RBKS: variants seen among roughly 807,000 people sequenced by gnomAD.
RBKS encodes the protein ribokinase.
In RBKS, 33 loss-of-function variants were observed where a neutral mutation model predicts 33.9. That is an observed-to-expected ratio of 0.97 (90% CI 0.74 to 1.30). The LOEUF is 1.30. RBKS is among the 50% of genes most tolerant of loss of function. RBKS has a pLI of 0.00. For missense variants in RBKS, 361 were observed against 392.6 expected (o/e 0.92, Z 0.68); for synonymous variants, 125 against 143.0 (o/e 0.87, Z 0.90).
chr2:27,882,250 T>C (rs892352095), intron 1 of RBKS, among the ~76,000 whole-genome samples: 3 of 151,806 alleles, frequency 2.0e-5, no homozygotes, highest in Non-Finnish European at 4.4e-5. Flanking sequence ...CATTAAAAAG[T>C]GGGCAAAGAA....
At chr2:27,881,711 A>G (rs1664420150) in intron 1 of RBKS, among the ~76,000 whole-genome samples, 1 of 152,178 alleles carries the variant, frequency 6.6e-6, no homozygotes, top group Non-Finnish European at 1.5e-5. Flanking sequence ...TACTGGTACA[A>G]AAACAGACAT....
chr2:27,853,163 C>T (rs908324461), intron 2 of RBKS, among the ~76,000 whole-genome samples: 1 of 151,626 alleles, frequency 6.6e-6, no homozygotes, highest in Non-Finnish European at 1.5e-5. Context: ...GACAGGAGTT[C>T]GAGACCAGCC....
intron 2 of RBKS, among the ~76,000 whole-genome samples, chr2:27,856,389 A>G (rs1445750684): frequency 1.3e-5 from 2 of 152,048 alleles, no homozygotes; most frequent in Non-Finnish European, 2.9e-5. Context: ...GCTTTAATCA[A>G]CCTCCTAACT....
Position 27,843,056 on chromosome 2 carries a change from T to G in RBKS, c.514+11A>C. On this transcript the variant is annotated intron_variant, in intron 5 of 7. Coordinates refer to ENST00000302188, the MANE Select transcript of RBKS (RefSeq NM_022128.3). ...GCTTTTATAGAAAGAATGACAAATA[T>G]GTATAATTACCTCCACTCCTGCGGG... The G allele has an allele frequency of 6.5e-7, 1 of 1,545,876 alleles. No homozygotes were observed. Among genetic ancestry groups the G allele is most frequent in the Non-Finnish European group, 8.7e-7 (1 of 1,144,834 alleles).
At position 27,861,669 on chromosome 2, in the gene RBKS, G is replaced by T. The variant is rs188598574; in HGVS notation, c.90-3098C>A. ...AGTATGTTCCATTTCTTTTTGGGGG[G>T]GGGGTGGAGTCTCACTTTGTCTCCC... On this transcript the variant is annotated intron_variant, in intron 1 of 7. Coordinates refer to ENST00000302188, the MANE Select transcript of RBKS (RefSeq NM_022128.3). 5.5e-3 allele frequency: 2,358 copies of T among 429,762 alleles called. 46 individuals carry two copies. Among genetic ancestry groups the T allele is most frequent in the Non-Finnish European group, 8.4e-3 (1,732 of 207,264 alleles). The allele number at this position is 429,762 out of a possible 1,614,324, so 26.6% of individuals were successfully genotyped here.
At chr2:27,797,522 GAAGCT>G (rs1436893580) in intron 7 of RBKS, among the ~76,000 whole-genome samples, 2 of 152,244 alleles carry the variant, frequency 1.3e-5, no homozygotes, top group Non-Finnish European at 2.9e-5. Context: ...AGCAGATGGA[GAAGCT>G]ATTTTGGGGG....
chr2:27,890,184 C>T lies in RBKS; in HGVS notation c.89+73G>A, dbSNP rs992413569. ...TCCCTGGAGACCCAGCGCCCAAAAG[C>T]TCCACTGGGCGCATAGCGCACGGCA... On this transcript the variant is annotated intron_variant, in intron 1 of 7. Coordinates refer to ENST00000302188, the MANE Select transcript of RBKS (RefSeq NM_022128.3). This position sits in a 1 kb window ranked among gnomAD's most constrained non-coding sequence, Gnocchi z 4.8. 2.0e-5 allele frequency: 29 copies of T among 1,445,090 alleles called. No individual in the cohort carries two copies. The Admixed American group carries it at 4.2e-4, about 21-fold the overall frequency. 89.5% of individuals were successfully genotyped at this position (1,445,090 alleles called of 1,614,324 possible). A position where few individuals can be genotyped will look rare whatever the true frequency, so the allele number is the denominator to read the frequency against.
chr2:27,812,231 AGAAATAG>A (rs1273489266), intron 7 of RBKS, among the ~76,000 whole-genome samples: 1 of 152,152 alleles, frequency 6.6e-6, no homozygotes, highest in East Asian at 1.9e-4. Context: ...GAGGATGTGG[AGAAATAG>A]GAACACTTTT....
At position 27,827,588 on chromosome 2, in the gene RBKS, T is replaced by C; in HGVS notation, c.774A>G (p.Lys258=). 10 of 1,595,602 alleles carry C rather than the reference T, an allele frequency of 6.3e-6. No individual in the cohort carries two copies. The highest frequency in any genetic ancestry group is 2.3e-5 in the East Asian group (1 of 44,254). Residue 258 remains lysine (K), a synonymous_variant, in exon 7 of 8, where the codon AAA becomes AAG. Coordinates refer to ENST00000302188, the MANE Select transcript of RBKS (RefSeq NM_022128.3). ...EPEPKHIPTE[K]VKAVDTTGAG... is the part of the protein sequence containing the mutation. ...TTACCGTGGTATCCACAGCCTTGACTTTCTCTGTGGGAATGTGCTTTGGCT... is the reference window on the plus strand; with the variant it reads ...TTACCGTGGTATCCACAGCCTTGACCTTCTCTGTGGGAATGTGCTTTGGCT...
intron 1 of RBKS, among the ~76,000 whole-genome samples, chr2:27,882,766 T>C (rs899470438): frequency 5.9e-4 from 90 of 152,222 alleles, no homozygotes; most frequent in Admixed American, 1.3e-4. Flanking sequence ...AACGACATCA[T>C]GTACTTTGCC....
intron 5 of RBKS, among the ~76,000 whole-genome samples, chr2:27,840,360 G>GCA (rs752347864): frequency 6.6e-4 from 45 of 68,412 alleles, no homozygotes; most frequent in Non-Finnish European, 1.3e-3. Flanking sequence ...ACACACGCGC[G>GCA]CGCGCACACA....
At chr2:27,786,944 A>C (rs763911521) in intron 7 of RBKS, among the ~76,000 whole-genome samples, 1 of 152,192 alleles carries the variant, frequency 6.6e-6, no homozygotes, top group Non-Finnish European at 1.5e-5. Context: ...AACGATTCTC[A>C]CAACTTGATT....
rs1553378242 is a variant in RBKS, at chr2:27,840,352, A to ACACACACACACACACG, written c.514+2714_514+2715insCGTGTGTGTGTGTGTG. Among the ~76,000 whole-genome samples, 4 of 133,016 alleles carry ACACACACACACACACG rather than the reference A, an allele frequency of 3.0e-5. 1 individual carries two copies. The highest frequency in any genetic ancestry group is 2.2e-4 in the Admixed American group (3 of 13,732). The allele number at this position is 133,016 out of a possible 152,430, so 87.3% of individuals were successfully genotyped here. ...TACACACACACACACACACACACACACACGCGCGCGCGCACACACACACAC... is the reference window on the plus strand; with the variant it reads ...TACACACACACACACACACACACACACACACACACACACACGCACGCGCGCGCGCACACACACACAC... On this transcript the variant is annotated intron_variant, in intron 5 of 7. Coordinates refer to ENST00000302188, the MANE Select transcript of RBKS (RefSeq NM_022128.3).
At position 27,794,648 on chromosome 2, in the gene RBKS, GT is replaced by G. The variant is rs1677609925; in HGVS notation, c.796-12861del. ...TCTTTTTTTTTTTTTTTGAGCTGGAGTTTTCGCTCTTGTTGCCCAGGCTGGA... is the reference window on the plus strand; with the variant it reads ...TCTTTTTTTTTTTTTTTGAGCTGGAGTTTCGCTCTTGTTGCCCAGGCTGGA... On this transcript the variant is annotated intron_variant, in intron 7 of 7. Coordinates refer to ENST00000302188, the MANE Select transcript of RBKS (RefSeq NM_022128.3). 2.7e-5 allele frequency among the ~76,000 whole-genome samples: 4 copies of G among 147,428 alleles called. No homozygotes were observed. The South Asian group carries it at 8.7e-4, about 32-fold the overall frequency.
intron 7 of RBKS, among the ~76,000 whole-genome samples, chr2:27,792,967 G>A (rs1677567145): frequency 2.0e-5 from 3 of 152,158 alleles, no homozygotes; most frequent in African/African-American, 7.2e-5. Flanking sequence ...CCTTGCTATA[G>A]AGTGGAGCAT....
chr2:27,874,218 T>G (rs1488135549), intron 1 of RBKS, among the ~76,000 whole-genome samples: 4 of 152,198 alleles, frequency 2.6e-5, no homozygotes, highest in Non-Finnish European at 4.4e-5. Flanking sequence ...AAATCTTGAT[T>G]TAGTATGATA....
chr2:27,809,871 A>C, intron 7 of RBKS: 3 of 1,242,826 alleles, frequency 2.4e-6, no homozygotes, highest in Non-Finnish European at 3.2e-6. Context: ...TGATGCACAA[A>C]ATTTTGAGTA....
At chr2:27,804,857 T>C (rs1405355955) in intron 7 of RBKS, among the ~76,000 whole-genome samples, 2 of 152,084 alleles carry the variant, frequency 1.3e-5, no homozygotes, top group African/African-American at 4.8e-5. Flanking sequence ...AAACCTCGTC[T>C]CTACAAAAAA....
intron 7 of RBKS, among the ~76,000 whole-genome samples, chr2:27,814,619 C>T (rs1004362340): frequency 3.3e-5 from 5 of 152,178 alleles, no homozygotes; most frequent in Non-Finnish European, 7.3e-5. Flanking sequence ...AAAAGATTTT[C>T]CTAATTGGGA....
Sources: gnomAD v4.1 joint callset for allele counts (sites outside exome capture counted in the v4.1 genomes callset) on GRCh38, gnomAD v4.1.1 for gene constraint, Gnocchi (gnomAD v3.1) non-coding constraint, MANE v1.5 for transcripts, NCBI Gene and HGNC (gene_info 2026-07-23, HGNC 2026-07-21) for gene names.